The following SLC8B1 variants were observed in gnomAD, a reference collection of about 807,000 sequenced individuals.
SLC8B1 encodes the protein mitochondrial sodium/calcium exchanger protein.
In SLC8B1, 52 loss-of-function variants were observed where a neutral mutation model predicts 63.4. That is an observed-to-expected ratio of 0.82 (90% confidence interval 0.66 to 1.03). The LOEUF is 1.03. Ranked by LOEUF, SLC8B1 falls within the 50% of genes least tolerant of loss-of-function variation. The probability of loss-of-function intolerance (pLI) is 0.00; values close to 1 mark genes in which losing one functional copy is unlikely to be tolerated. For synonymous variants in SLC8B1, 336 were observed against 323.9 expected (o/e 1.04, Z -0.40); for missense variants, 657 against 741.7 (o/e 0.89, Z 1.33).
chr12:113,300,779 T>C (rs1956576863), intron 15 of SLC8B1, among the ~76,000 whole-genome samples: 1 of 152,182 alleles, frequency 6.6e-6, no homozygotes, highest in South Asian at 2.1e-4. Flanking sequence ...AATGCTGAAC[T>C]CTAGTCAACG....
Position 113,305,035 on chromosome 12 carries a change from T to G in SLC8B1, c.1493-650A>C, listed in dbSNP as rs1251856667. Reference sequence around the variant, plus strand: ...TGCTGAGTAAGTGTTGCAGTCAGTCTCTAAGGATCGAACACCTTAGGGTGC... The same window carrying G: ...TGCTGAGTAAGTGTTGCAGTCAGTCGCTAAGGATCGAACACCTTAGGGTGC... On this transcript the variant is annotated intron_variant, in intron 14 of 15. Transcript: ENST00000680972. The surrounding 1 kb of genome is among the most constrained non-coding windows in gnomAD (Gnocchi z 4.3). Among the ~76,000 whole-genome samples the G allele has an allele frequency of 1.3e-5, 2 of 152,364 alleles. No homozygotes were observed. Among genetic ancestry groups the G allele is most frequent in the South Asian group, 2.1e-4 (1 of 4,834 alleles).
At chr12:113,333,322 G>C (rs892384497) in intron 1 of SLC8B1, among the ~76,000 whole-genome samples, 4 of 152,152 alleles carry the variant, frequency 2.6e-5, no homozygotes, top group African/African-American at 9.7e-5. Context: ...GCAGTGGGCG[G>C]GATTGCAGAA....
At chr12:113,307,149 A>AAAC in intron 13 of SLC8B1, among the ~76,000 whole-genome samples, 1 of 133,884 alleles carries the variant, frequency 7.5e-6, no homozygotes, top group South Asian at 2.4e-4. Context: ...AAAAAAAAAA[A>AAAC]AACTACGGCT....
intron 11 of SLC8B1, among the ~76,000 whole-genome samples, chr12:113,313,551 G>A (rs1956791094): frequency 6.6e-6 from 1 of 152,048 alleles, no homozygotes; most frequent in African/African-American, 2.4e-5. Context: ...GACCAGCCTG[G>A]CCGACATAGT....
At chr12:113,306,018 C>T (rs1956667203) in intron 14 of SLC8B1, among the ~76,000 whole-genome samples, 1 of 145,896 alleles carries the variant, frequency 6.9e-6, no homozygotes, top group Non-Finnish European at 1.5e-5. Context: ...AAGATCACGC[C>T]ACCGCACTCC....
Position 113,335,070 on chromosome 12 carries a change from C to G in SLC8B1, c.-710G>C, listed in dbSNP as rs1243046121. ...CGCAGCCTTCCAGGTCCCTGGCCGC[C>G]GGACCGACCTTGCGCCAGCGAAGCC... On this transcript the variant is annotated 5_prime_UTR_variant, in exon 1 of 16. Transcript: ENST00000680972. 1 of 152,404 alleles carries G rather than the reference C, an allele frequency of 6.6e-6. No individual in the cohort carries two copies. The highest frequency in any genetic ancestry group is 1.5e-5 in the Non-Finnish European group (1 of 68,186). 9.4% of individuals were successfully genotyped at this position (152,404 alleles called of 1,614,324 possible).
In SLC8B1 at chr12:113,320,694, G is replaced by C. The variant is rs1956913811; in HGVS notation, c.421-8C>G. 6.2e-7 allele frequency: 1 copy of C among 1,612,496 alleles called. No individual in the cohort carries two copies. The highest frequency in any genetic ancestry group is 1.7e-5 in the Admixed American group (1 of 59,652). On this transcript the variant is annotated splice_polypyrimidine_tract_variant and splice_region_variant and intron_variant, in intron 5 of 15. Transcript: ENST00000680972. This position sits in a 1 kb window ranked among gnomAD's most constrained non-coding sequence, Gnocchi z 5.3. Reference sequence around the variant, plus strand: ...TGCCAGGAAGGTGACGCCATGTGGGGAGCATGTCAAGGCGGGCCAGGATCG... The same window carrying C: ...TGCCAGGAAGGTGACGCCATGTGGGCAGCATGTCAAGGCGGGCCAGGATCG...
chr12:113,320,285 G>C lies in SLC8B1; in HGVS notation c.694+46C>G, dbSNP rs368748913. The C allele has an allele frequency of 4.4e-6, 7 of 1,597,800 alleles. No individual in the cohort carries two copies. The highest frequency in any genetic ancestry group is 1.1e-5 in the South Asian group (1 of 89,278). ...GTCCCAGGCACCTCCTAAACCTCCT[G>C]CCCATCAGCCCTGGGATCTCACGCC... is the stretch of plus-strand genomic sequence containing the variant. On this transcript the variant is annotated intron_variant, in intron 7 of 15. Coordinates refer to ENST00000680972, the MANE Select transcript of SLC8B1 (RefSeq NM_001358345.2). This position sits in a 1 kb window ranked among gnomAD's most constrained non-coding sequence, Gnocchi z 5.3.
At chr12:113,322,687 C>G (rs950138770) in intron 2 of SLC8B1, among the ~76,000 whole-genome samples, 2 of 152,110 alleles carry the variant, frequency 1.3e-5, no homozygotes, top group Admixed American at 1.3e-4. Flanking sequence ...TGGCTCACGC[C>G]TGTAACTGTA....
At chr12:113,313,090 G>C (rs188913239) in intron 11 of SLC8B1, among the ~76,000 whole-genome samples, 31 of 152,176 alleles carry the variant, frequency 2.0e-4, no homozygotes, top group African/African-American at 6.7e-4. Flanking sequence ...ATTTTTAATA[G>C]AGACGAGGTT....
At chr12:113,301,503 AT>A (rs1374917291) in intron 15 of SLC8B1, among the ~76,000 whole-genome samples, 1 of 151,746 alleles carries the variant, frequency 6.6e-6, no homozygotes, top group Non-Finnish European at 1.5e-5. Context: ...CGCCTGGCTA[AT>A]TTTTTTGTAT....
In SLC8B1 at chr12:113,315,375, G is replaced by A. The variant is rs535109236; in HGVS notation, c.1095C>T (p.Ile365=). The part of the protein sequence containing the change: ...KRPLNCLHLV[I]SPLVVVLTLQ... ...GGGTCAGGACCACAACCAGGGGGCT[G>A]ATAACCAGATGCAGACAGTTGAGGG... The change falls in exon 11 of 16, where the codon ATC becomes ATT. Residue 365 remains isoleucine (I), a synonymous_variant. Coordinates refer to ENST00000680972, the MANE Select transcript of SLC8B1 (RefSeq NM_001358345.2). 1 of 1,561,054 alleles carries A rather than the reference G, an allele frequency of 6.4e-7. No homozygotes were observed. The highest frequency in any genetic ancestry group is 8.7e-7 in the Non-Finnish European group (1 of 1,152,090).
At position 113,320,773 on chromosome 12, in the gene SLC8B1, G is replaced by T. The variant is rs1233772230; in HGVS notation, c.420+77C>A. ...CTATCCCCCAGCTTCCCCACACGGG[G>T]ATAGACATGACCCTATCTCCCAGCC... is the stretch of plus-strand genomic sequence containing the variant. On this transcript the variant is annotated intron_variant, in intron 5 of 15. Transcript: ENST00000680972. The surrounding 1 kb of genome is among the most constrained non-coding windows in gnomAD (Gnocchi z 5.3). 1 of 1,576,520 alleles carries T rather than the reference G, an allele frequency of 6.3e-7. No homozygotes were observed. The highest frequency in any genetic ancestry group is 8.6e-7 in the Non-Finnish European group (1 of 1,160,618).
intron 2 of SLC8B1, among the ~76,000 whole-genome samples, chr12:113,331,391 A>C (rs996200067): frequency 6.8e-6 from 1 of 146,384 alleles, no homozygotes. Flanking sequence ...TTCTCGAAAA[A>C]AAAAAAAAAA....
chr12:113,316,000 G>A (rs112663191), intron 10 of SLC8B1, among the ~76,000 whole-genome samples: 22,440 of 152,132 alleles, frequency 0.15, 2,345 homozygotes, highest in African/African-American at 0.29. Context: ...CGAGGCGGGC[G>A]GATCACGAGG....
At chr12:113,330,521 C>A (rs1012753127) in intron 2 of SLC8B1, among the ~76,000 whole-genome samples, 1 of 152,182 alleles carries the variant, frequency 6.6e-6, no homozygotes, top group African/African-American at 2.4e-5. Context: ...TCCCACCTCA[C>A]GGGGTTTGGG....
At position 113,321,180 on chromosome 12, in the gene SLC8B1, C is replaced by A; in HGVS notation, c.309+16G>T. ...ACACCAGCCCCTCTCACCAGCCCCCCAGGGCAGGGCCTCACGTAGAGAGTG... is the reference window on the plus strand; with the variant it reads ...ACACCAGCCCCTCTCACCAGCCCCCAAGGGCAGGGCCTCACGTAGAGAGTG... On this transcript the variant is annotated intron_variant, in intron 3 of 15. Coordinates refer to ENST00000680972, the MANE Select transcript of SLC8B1 (RefSeq NM_001358345.2). The A allele has an allele frequency of 1.2e-6, 2 of 1,614,044 alleles. No homozygotes were observed. Among genetic ancestry groups the A allele is most frequent in the East Asian group, 2.2e-5 (1 of 44,878 alleles).
intron 11 of SLC8B1, among the ~76,000 whole-genome samples, chr12:113,311,107 G>C (rs1346704969): frequency 2.0e-5 from 3 of 152,164 alleles, no homozygotes; most frequent in Non-Finnish European, 2.9e-5. Context: ...TTGAGCCCAG[G>C]AGTTCGAAAC....
intron 1 of SLC8B1, among the ~76,000 whole-genome samples, chr12:113,333,590 G>A (rs1189903172): frequency 6.6e-6 from 1 of 152,162 alleles, no homozygotes; most frequent in East Asian, 1.9e-4. Context: ...AGCCAGGCTT[G>A]TTTCCCCCCT....
Sources: allele counts gnomAD v4.1 joint callset (sites outside exome capture counted in the v4.1 genomes callset), GRCh38; gene constraint gnomAD v4.1.1; non-coding constraint Gnocchi (gnomAD v3.1); transcripts MANE v1.5; gene names NCBI Gene and HGNC (gene_info 2026-07-23, HGNC 2026-07-21).